RESF1: variants seen among roughly 807,000 people sequenced by gnomAD.
The protein encoded by RESF1 is retroelement silencing factor 1, also known as gonad expressed transcript.
In RESF1, 65 loss-of-function variants were observed where a neutral mutation model predicts 134.7. The ratio of observed to expected loss-of-function variants is 0.48; its 90% CI spans 0.40 to 0.59. RESF1 has a LOEUF of 0.59. Ranked by LOEUF, RESF1 falls within the 20% of genes least tolerant of loss-of-function variation. The probability of loss-of-function intolerance (pLI) is 0.00; values close to 1 mark genes in which losing one functional copy is unlikely to be tolerated. For synonymous variants in RESF1, 762 were observed against 702.2 expected (o/e 1.09, Z -1.35); for missense variants, 2,274 against 2,002.7 (o/e 1.14, Z -2.59).
chr12:31,976,955 A>G lies in RESF1; in HGVS notation c.-78-3923A>G, dbSNP rs114609429. On this transcript the variant is annotated intron_variant, in intron 3 of 5. Transcript: ENST00000312561. ...ATGCTTATTTTTTATTGAGTTGTCT[A>G]CATTTTTCTTTTTACGTAATTCCCT... Among the ~76,000 whole-genome samples the G allele has an allele frequency of 5.5e-3, 830 of 152,264 alleles. 7 individuals are homozygous for G. Among genetic ancestry groups the G allele is most frequent in the African/African-American group, 0.019 (771 of 41,544 alleles).
At chr12:31,962,998 C>T (rs543684136) in intron 2 of RESF1, among the ~76,000 whole-genome samples, 20 of 152,164 alleles carry the variant, frequency 1.3e-4, no homozygotes, top group African/African-American at 4.8e-4. Context: ...ATCCGGGAGG[C>T]AGAGGTTGCA....
At position 31,983,990 on chromosome 12, in the gene RESF1, C is replaced by T. The variant is rs200500299; in HGVS notation, c.3035C>T (p.Ser1012Leu). The T allele has an allele frequency of 3.8e-5, 61 of 1,613,766 alleles. No homozygotes were observed. The highest frequency in any genetic ancestry group is 1.6e-5 in the Non-Finnish European group (19 of 1,179,962). The stretch of plus-strand genomic sequence containing the variant: ...AAAAGCACAGCTAACGATACGTGCT[C>T]GTCAGCTGCTATTCAGGAGGATATT... Reference protein sequence around the residue: ...TEKSTANDTCSSAAIQEDIYP... With the variant: ...TEKSTANDTCLSAAIQEDIYP... The change falls in exon 4 of 6, where the codon TCG (serine) becomes TTG (leucine). Residue 1012 changes from serine (S) to leucine (L), a missense_variant. By Grantham distance (145) the Ser-to-Leu change is moderately radical. Transcript: ENST00000312561.
chr12:31,968,659 A>G (rs1378905206), intron 2 of RESF1, among the ~76,000 whole-genome samples: 2 of 152,094 alleles, frequency 1.3e-5, no homozygotes, highest in African/African-American at 2.4e-5. Context: ...CGTGTTAGCC[A>G]GGATGGTCTC....
At chr12:31,963,131 CA>C (rs751896652) in intron 2 of RESF1, among the ~76,000 whole-genome samples, 5 of 152,024 alleles carry the variant, frequency 3.3e-5, no homozygotes, top group Non-Finnish European at 7.4e-5. Context: ...TTTGGGAGGC[CA>C]AGGCAGGTGG....
chr12:31,977,433 G>A (rs778937987), intron 3 of RESF1, among the ~76,000 whole-genome samples: 8 of 152,090 alleles, frequency 5.3e-5, no homozygotes, highest in African/African-American at 9.7e-5. Flanking sequence ...TGATCTGCCC[G>A]CCTCGGCCTC....
intron 1 of RESF1, among the ~76,000 whole-genome samples, chr12:31,960,154 T>C (rs562001073): frequency 6.6e-6 from 1 of 152,194 alleles, no homozygotes; most frequent in Admixed American, 6.5e-5. Flanking sequence ...CGCATACCCA[T>C]CTTAGGTGTT....
chr12:31,974,140 G>T (rs1939576089), intron 3 of RESF1, among the ~76,000 whole-genome samples: 1 of 151,606 alleles, frequency 6.6e-6, no homozygotes. Flanking sequence ...ATGCATATGT[G>T]AGCGCTTCCA....
At position 31,984,769 on chromosome 12, in the gene RESF1, C is replaced by G. The variant is rs577328405; in HGVS notation, c.3814C>G (p.Gln1272Glu). Residue 1272 changes from glutamine (Q) to glutamate (E), a missense_variant, in exon 4 of 6, where the codon CAA becomes GAA. Coordinates refer to ENST00000312561, the MANE Select transcript of RESF1 (RefSeq NM_018169.4). The stretch of plus-strand genomic sequence containing the variant: ...ACATAAAAGCTTACCAAGGACAGAA[C>G]AAGAATTAGTTGCTGGTCAGTTTTC... ...TKHKSLPRTEQELVAGQFSSK... is the reference protein window; with the variant it reads ...TKHKSLPRTEEELVAGQFSSK... The G allele has an allele frequency of 1.2e-6, 2 of 1,612,262 alleles. No homozygotes were observed. The highest frequency in any genetic ancestry group is 3.4e-5 in the Admixed American group (2 of 59,606).
At position 31,982,312 on chromosome 12, in the gene RESF1, T is replaced by G. The variant is rs748440779; in HGVS notation, c.1357T>G (p.Ser453Ala). The change falls in exon 4 of 6, where the codon TCT (serine) becomes GCT (alanine). Residue 453 changes from serine to alanine, a missense_variant. Coordinates refer to ENST00000312561, the MANE Select transcript of RESF1 (RefSeq NM_018169.4). ...LSLKQTAKIQ[S>A]GPQITPVMPE... ...TCTAAAACAAACTGCCAAAATCCAG[T>G]CTGGACCCCAGATAACTCCAGTAAT... is the stretch of plus-strand genomic sequence containing the variant. 1.9e-6 allele frequency: 3 copies of G among 1,614,116 alleles called. No individual in the cohort carries two copies. The highest frequency in any genetic ancestry group is 2.5e-6 in the Non-Finnish European group (3 of 1,180,018).
intron 2 of RESF1, among the ~76,000 whole-genome samples, chr12:31,962,833 C>T (rs956728162): frequency 6.6e-6 from 1 of 152,200 alleles, no homozygotes; most frequent in Non-Finnish European, 1.5e-5. Flanking sequence ...TGCGGTGGCT[C>T]ATGCCTGTAA....
rs780408652 is a variant in RESF1, at chr12:31,981,620, C to T, written c.665C>T (p.Pro222Leu). ...CCTCCAAAGCTATACCGTTACTCAC[C>T]ACAAAGCTTTTTACCAGATTCTACC... ...RPPPKLYRYS[P>L]QSFLPDSTIQ... Residue 222 changes from proline (P) to leucine (L), a missense_variant, in exon 4 of 6, where the codon CCA (proline) becomes CTA (leucine). Physicochemically the swap from Pro to Leu is moderately conservative, Grantham distance 98. Coordinates refer to ENST00000312561, the MANE Select transcript of RESF1 (RefSeq NM_018169.4). 6 of 1,613,962 alleles carry T rather than the reference C, an allele frequency of 3.7e-6. No individual in the cohort carries two copies. The highest frequency in any genetic ancestry group is 3.3e-5 in the South Asian group (3 of 91,080).
intron 1 of RESF1, 81 bp from the exon 2 acceptor site, chr12:31,960,694 AAC>A (rs1939240945): frequency 6.6e-6 from 1 of 152,164 alleles, no homozygotes; most frequent in Admixed American, 6.5e-5. Flanking sequence ...CATAAAAGAA[AAC>A]AGTTTTGCAC....
chr12:31,989,649 C>T (rs1219212368), intron 5 of RESF1, among the ~76,000 whole-genome samples: 5 of 152,140 alleles, frequency 3.3e-5, no homozygotes, highest in East Asian at 1.9e-4. Context: ...GTCAGAGGTT[C>T]GAGACCAGCC....
chr12:31,982,934 T>G lies in RESF1; in HGVS notation c.1979T>G (p.Met660Arg). 1 of 1,614,114 alleles carries G rather than the reference T, an allele frequency of 6.2e-7. No individual in the cohort carries two copies. Among genetic ancestry groups the G allele is most frequent in the Non-Finnish European group, 8.5e-7 (1 of 1,180,008 alleles). Residue 660 changes from methionine (M) to arginine (R), a missense_variant, in exon 4 of 6, where the codon ATG becomes AGG. Physicochemically the swap from Met to Arg is moderately conservative, Grantham distance 91 (BLOSUM62 -1). Coordinates refer to ENST00000312561, the MANE Select transcript of RESF1 (RefSeq NM_018169.4). ...CSGQESSTKG[M>R]PAKSDSSCSM... ...GGACAAGAATCCTCAACAAAAGGAA[T>G]GCCTGCTAAAAGTGACAGTAGCTGT...
chr12:31,970,745 T>C (rs1228265471), intron 3 of RESF1, among the ~76,000 whole-genome samples: 1 of 152,246 alleles, frequency 6.6e-6, no homozygotes, highest in Non-Finnish European at 1.5e-5. Flanking sequence ...GTTTTATTGA[T>C]GCAAGTTTTC....
At position 31,984,028 on chromosome 12, in the gene RESF1, A is replaced by G; in HGVS notation, c.3073A>G (p.Ile1025Val). 6.2e-7 allele frequency: 1 copy of G among 1,614,110 alleles called. No homozygotes were observed. The highest frequency in any genetic ancestry group is 8.5e-7 in the Non-Finnish European group (1 of 1,179,984). ...AIQEDIYPQE[I>V]DASSNYTPQD... ...TCAGGAGGATATTTACCCTCAGGAA[A>G]TAGATGCATCCAGCAACTATACTCC... The change falls in exon 4 of 6, where the codon ATA becomes GTA. Residue 1025 changes from isoleucine (I) to valine (V), a missense_variant. Physicochemically the swap from Ile to Val is conservative, Grantham distance 29. Coordinates refer to ENST00000312561, the MANE Select transcript of RESF1 (RefSeq NM_018169.4).
rs1939888829 is a variant in RESF1 at position 31,984,112 on chromosome 12, G to A, written c.3157G>A (p.Asp1053Asn). ...TAAGGCACCTGTCTTATACCTACAT[G>A]ACCAGCTGTCAGAACTTCTAAAAGA... ...SDKAPVLYLH[D>N]QLSELLKEFP... Residue 1053 changes from aspartate (D) to asparagine (N), a missense_variant, in exon 4 of 6, where the codon GAC (aspartate) becomes AAC (asparagine). Transcript: ENST00000312561. 1.9e-6 allele frequency: 3 copies of A among 1,613,388 alleles called. No homozygotes were observed. Among genetic ancestry groups the A allele is most frequent in the South Asian group, 1.1e-5 (1 of 90,934 alleles).
intron 1 of RESF1, among the ~76,000 whole-genome samples, chr12:31,960,411 T>C (rs1464910431): frequency 1.3e-5 from 2 of 152,220 alleles, no homozygotes; most frequent in African/African-American, 4.8e-5. Context: ...GCTTTAATCA[T>C]GTTTCAGTCA....
intron 3 of RESF1, among the ~76,000 whole-genome samples, chr12:31,976,567 C>T (rs985010688): frequency 1.3e-5 from 2 of 152,010 alleles, no homozygotes; most frequent in African/African-American, 4.8e-5. Flanking sequence ...CCTGTAATCC[C>T]TGCTGCTCGG....
Sources: gnomAD v4.1 joint callset for allele counts (sites outside exome capture counted in the v4.1 genomes callset) on GRCh38, gnomAD v4.1.1 for gene constraint, MANE v1.5 for transcripts, NCBI Gene and HGNC (gene_info 2026-07-23, HGNC 2026-07-21) for gene names.